The following PPP1R9A variants were observed in gnomAD, a reference collection of about 807,000 sequenced individuals.
PPP1R9A encodes the protein neurabin-1.
Under a neutral mutation model 141.9 loss-of-function variants are expected in PPP1R9A, and 59 were observed. That is an observed-to-expected ratio of 0.42 (90% CI 0.34 to 0.52). PPP1R9A has a LOEUF of 0.52. PPP1R9A is among the 20% of genes least tolerant of loss of function. The probability of loss-of-function intolerance (pLI) is 0.10; values close to 1 mark genes in which losing one functional copy is unlikely to be tolerated. For missense variants in PPP1R9A, 1,444 were observed against 1,611.9 expected, an observed-to-expected ratio of 0.90 and a Z score of 1.78; for synonymous variants, 500 against 569.7, an observed-to-expected ratio of 0.88 and a Z score of 1.74.
At chr7:94,943,563 A>G (rs1795566209) in intron 2 of PPP1R9A, among the ~76,000 whole-genome samples, 1 of 152,214 alleles carries the variant, frequency 6.6e-6, no homozygotes, top group Non-Finnish European at 1.5e-5. Context: ...TTGCCTTCCC[A>G]GGCAAATTTT....
intron 4 of PPP1R9A, among the ~76,000 whole-genome samples, chr7:95,137,620 A>G (rs369605944): frequency 3.9e-5 from 6 of 152,280 alleles, no homozygotes; most frequent in Non-Finnish European, 7.4e-5. Context: ...TGTCTTTCAG[A>G]TGTGAAATTT....
chr7:95,094,428 G>A (rs1031689209), intron 2 of PPP1R9A, among the ~76,000 whole-genome samples: 3 of 152,086 alleles, frequency 2.0e-5, no homozygotes, highest in South Asian at 2.1e-4. Flanking sequence ...ACTCCATCCC[G>A]TCTTCCAGTG....
At chr7:95,072,256 AATATT>A (rs1813919436) in intron 2 of PPP1R9A, among the ~76,000 whole-genome samples, 1 of 145,218 alleles carries the variant, frequency 6.9e-6, no homozygotes, top group Non-Finnish European at 1.5e-5. Context: ...CTAAATATAT[AATATT>A]ATATAATAAT....
chr7:94,910,524 C>T lies in PPP1R9A; in HGVS notation c.411C>T (p.Ser137=), dbSNP rs750366511. The change falls in exon 2 of 20, where the codon TCC becomes TCT. Residue 137 remains serine, a synonymous_variant. Transcript: ENST00000433360. This position sits in a 1 kb window ranked among gnomAD's most constrained non-coding sequence, Gnocchi z 4.5. The part of the protein sequence containing the change: ...FDTMYDGPSY[S]KFTETRKMFE... ...CTATGTACGATGGCCCTTCATATTC[C>T]AAGTTCACTGAGACTCGAAAGATGT... 3 of 1,613,996 alleles carry T rather than the reference C, an allele frequency of 1.9e-6. No individual in the cohort carries two copies.
At chr7:95,189,869 C>G (rs1207823769) in intron 5 of PPP1R9A, among the ~76,000 whole-genome samples, 1 of 152,092 alleles carries the variant, frequency 6.6e-6, no homozygotes, top group Non-Finnish European at 1.5e-5. Context: ...TTTTATTTCT[C>G]TAAGTGTGTA....
chr7:95,049,777 A>G, intron 2 of PPP1R9A, among the ~76,000 whole-genome samples: 1 of 152,202 alleles, frequency 6.6e-6, no homozygotes, highest in East Asian at 1.9e-4. Flanking sequence ...TTTGTAGTAT[A>G]CAACCTTTCC....
intron 2 of PPP1R9A, among the ~76,000 whole-genome samples, chr7:95,095,767 C>T (rs545073710): frequency 6.6e-6 from 1 of 152,244 alleles, no homozygotes; most frequent in African/African-American, 2.4e-5. Flanking sequence ...TTTTGTGAGT[C>T]TAATCTTAGG....
At chr7:95,085,152 C>T (rs1816431678) in intron 2 of PPP1R9A, among the ~76,000 whole-genome samples, 1 of 151,934 alleles carries the variant, frequency 6.6e-6, no homozygotes, top group South Asian at 2.1e-4. Flanking sequence ...GACCCTATGT[C>T]ATGTGTTTAT....
intron 7 of PPP1R9A, among the ~76,000 whole-genome samples, chr7:95,213,691 T>G (rs1304874788): frequency 1.3e-5 from 2 of 152,174 alleles, no homozygotes; most frequent in Non-Finnish European, 2.9e-5. Context: ...GAACTCTGTT[T>G]GGAAGCCATT....
chr7:94,929,087 C>T (rs936416015), intron 2 of PPP1R9A, among the ~76,000 whole-genome samples: 2 of 152,270 alleles, frequency 1.3e-5, no homozygotes, highest in East Asian at 1.9e-4. Context: ...AAATATACAT[C>T]AGTTTTTATG....
At chr7:95,072,309 G>T (rs1041625034) in intron 2 of PPP1R9A, among the ~76,000 whole-genome samples, 3 of 141,094 alleles carry the variant, frequency 2.1e-5, no homozygotes, top group South Asian at 2.2e-4. Flanking sequence ...TAATAATATT[G>T]TATTATATAA....
At chr7:95,241,826 G>T (rs1797509424) in intron 8 of PPP1R9A, among the ~76,000 whole-genome samples, 1 of 152,042 alleles carries the variant, frequency 6.6e-6, no homozygotes, top group Admixed American at 6.6e-5. Flanking sequence ...TACCATGTAG[G>T]GAAGCTATAA....
intron 7 of PPP1R9A, among the ~76,000 whole-genome samples, chr7:95,224,696 G>A (rs920707707): frequency 3.9e-5 from 6 of 152,084 alleles, no homozygotes; most frequent in South Asian, 2.1e-4. Flanking sequence ...TTTCCTTCAC[G>A]TGCAAACATA....
chr7:95,014,216 A>T (rs1339903192), intron 2 of PPP1R9A, among the ~76,000 whole-genome samples: 1 of 152,118 alleles, frequency 6.6e-6, no homozygotes, highest in Non-Finnish European at 1.5e-5. Context: ...GGGAAAACAA[A>T]AGAAGTCTGA....
chr7:94,937,631 A>G lies in PPP1R9A; in HGVS notation c.1395+26123A>G, dbSNP rs529571032. ...ATTACACAGGCGTAGTTTCTTACAG[A>G]ATAAATGTTTTCCAAGTCTCTTGAG... On this transcript the variant is annotated intron_variant, in intron 2 of 19. Transcript: ENST00000433360. 4.6e-5 allele frequency among the ~76,000 whole-genome samples: 7 copies of G among 152,322 alleles called. No individual in the cohort carries two copies. The South Asian group carries it at 1.4e-3, about 32-fold the overall frequency.
chr7:95,032,756 C>T (rs1208485380), intron 2 of PPP1R9A, among the ~76,000 whole-genome samples: 2 of 151,932 alleles, frequency 1.3e-5, no homozygotes, highest in African/African-American at 4.8e-5. Flanking sequence ...TGCTATATTA[C>T]AAAATATATA....
chr7:94,956,839 A>T (rs1351593735), intron 2 of PPP1R9A, among the ~76,000 whole-genome samples: 1 of 152,168 alleles, frequency 6.6e-6, no homozygotes, highest in Non-Finnish European at 1.5e-5. Context: ...AATGTTTTGA[A>T]TAGAAATCAA....
intron 4 of PPP1R9A, among the ~76,000 whole-genome samples, chr7:95,137,614 T>C (rs10262679): frequency 0.012 from 1,758 of 152,270 alleles, 30 homozygotes; most frequent in African/African-American, 0.041. Flanking sequence ...GCTCACTGTC[T>C]TTCAGATGTG....
chr7:95,173,430 A>G (rs1332611869), intron 5 of PPP1R9A, among the ~76,000 whole-genome samples: 1 of 151,922 alleles, frequency 6.6e-6, no homozygotes, highest in Non-Finnish European at 1.5e-5. Flanking sequence ...TAAATGAATG[A>G]AAAAAAATTT....
Sources: allele counts gnomAD v4.1 joint callset (sites outside exome capture counted in the v4.1 genomes callset), GRCh38; gene constraint gnomAD v4.1.1; non-coding constraint Gnocchi (gnomAD v3.1); transcripts MANE v1.5; gene names NCBI Gene and HGNC (gene_info 2026-07-23, HGNC 2026-07-21).